Variants in TOX observed in about 807,000 individuals in gnomAD.
TOX encodes the protein thymocyte selection-associated high mobility group box protein TOX.
In TOX, 11 loss-of-function variants were observed where a neutral mutation model predicts 53.7. The observed-to-expected ratio is 0.20, with a 90% CI of 0.13 to 0.34. The LOEUF (loss-of-function observed/expected upper bound fraction) is 0.34, where lower values mean the gene tolerates loss of function less well. TOX is among the 10% of genes least tolerant of loss of function. The pLI, the probability that TOX is intolerant of heterozygous loss-of-function variation, is 1.00. For synonymous variants in TOX, 225 were observed against 245.3 expected, an observed-to-expected ratio of 0.92 and a Z score of 0.77; for missense variants, 570 against 664.6, an observed-to-expected ratio of 0.86 and a Z score of 1.56.
At chr8:59,059,863 G>A (rs1258878163) in intron 1 of TOX, among the ~76,000 whole-genome samples, 2 of 151,368 alleles carry the variant, frequency 1.3e-5, no homozygotes, top group Non-Finnish European at 2.9e-5. Context: ...CATTAGTGTT[G>A]GGAAGTGACC....
chr8:59,086,418 C>T (rs1003452151), intron 1 of TOX, among the ~76,000 whole-genome samples: 3 of 152,226 alleles, frequency 2.0e-5, no homozygotes, highest in African/African-American at 4.8e-5. Flanking sequence ...AGACAGAATC[C>T]GGCCTAATAA....
At chr8:58,861,511 C>T (rs1207970076) in intron 3 of TOX, among the ~76,000 whole-genome samples, 2 of 152,164 alleles carry the variant, frequency 1.3e-5, no homozygotes, top group African/African-American at 4.8e-5. Context: ...AAACATGCTA[C>T]TGTTTGCTCA....
At chr8:59,094,063 G>A (rs1371301863) in intron 1 of TOX, among the ~76,000 whole-genome samples, 1 of 151,838 alleles carries the variant, frequency 6.6e-6, no homozygotes, top group East Asian at 1.9e-4. Flanking sequence ...GAATATGACA[G>A]ACCATGATTC....
At chr8:58,951,561 G>GCATC (rs1187347310) in intron 2 of TOX, among the ~76,000 whole-genome samples, 1 of 152,104 alleles carries the variant, frequency 6.6e-6, no homozygotes, top group Non-Finnish European at 1.5e-5. Context: ...GTCTCACCTG[G>GCATC]CATCCCTATT....
intron 1 of TOX, among the ~76,000 whole-genome samples, chr8:58,972,202 G>A (rs1813014769): frequency 6.6e-6 from 1 of 152,080 alleles, no homozygotes; most frequent in South Asian, 2.1e-4. Context: ...TACTCTGTAT[G>A]TGCACAAAAT....
intron 7 of TOX, among the ~76,000 whole-genome samples, chr8:58,814,899 T>C (rs1271729495): frequency 1.1e-4 from 16 of 152,360 alleles, no homozygotes; most frequent in Non-Finnish European, 2.9e-5. Flanking sequence ...CAGCATTTAT[T>C]GGACTCAAGA....
In TOX at chr8:59,117,244, A is replaced by C. The variant is rs1477019003; in HGVS notation, c.102+1642T>G. Among the ~76,000 whole-genome samples, 4 of 152,256 alleles carry C rather than the reference A, an allele frequency of 2.6e-5. No homozygotes were observed. The highest frequency in any genetic ancestry group is 2.0e-4 in the Admixed American group (3 of 15,286). ...TGGTGTCATAAGCAAAATAAAACGT[A>C]ACACAATACTTGAGTGTACAGACAA... On this transcript the variant is annotated intron_variant, in intron 1 of 8. Coordinates refer to ENST00000361421, the MANE Select transcript of TOX (RefSeq NM_014729.3). The surrounding 1 kb of genome is among the most constrained non-coding windows in gnomAD (Gnocchi z 4.6).
At chr8:59,045,679 A>T (rs1803669212) in intron 1 of TOX, among the ~76,000 whole-genome samples, 1 of 152,162 alleles carries the variant, frequency 6.6e-6, no homozygotes, top group African/African-American at 2.4e-5. Context: ...AAACATCCAA[A>T]CCAGATAAGC....
chr8:58,935,193 G>T (rs192527388), intron 3 of TOX, among the ~76,000 whole-genome samples: 2 of 151,840 alleles, frequency 1.3e-5, no homozygotes, highest in African/African-American at 4.8e-5. Context: ...TGATATATAA[G>T]TAACACATCT....
chr8:59,008,578 C>T (rs1813835864), intron 1 of TOX, among the ~76,000 whole-genome samples: 1 of 68 alleles, frequency 0.015, no homozygotes, highest in African/African-American at 0.05. Context: ...CGCACAGAAG[C>T]TCACCTCCCC....
At chr8:58,893,070 A>G (rs1811584300) in intron 3 of TOX, among the ~76,000 whole-genome samples, 1 of 152,216 alleles carries the variant, frequency 6.6e-6, no homozygotes, top group African/African-American at 2.4e-5. Context: ...TTACTCTACT[A>G]TATTGGTTTA....
chr8:58,940,524 G>A (rs1317407227), intron 2 of TOX, among the ~76,000 whole-genome samples: 6 of 152,118 alleles, frequency 3.9e-5, no homozygotes, highest in African/African-American at 1.4e-4. Context: ...GTGATATATA[G>A]CAGTCCTTCA....
chr8:58,856,871 G>A (rs1810926585), intron 3 of TOX, among the ~76,000 whole-genome samples: 1 of 152,040 alleles, frequency 6.6e-6, no homozygotes, highest in Non-Finnish European at 1.5e-5. Context: ...GGAGGCTGAG[G>A]GTGTGATTAT....
intron 3 of TOX, among the ~76,000 whole-genome samples, chr8:58,899,373 T>G (rs902292549): frequency 6.6e-6 from 1 of 152,214 alleles, no homozygotes; most frequent in African/African-American, 2.4e-5. Context: ...GACACCAGTC[T>G]TTTTAAAAGA....
chr8:58,877,956 C>T (rs1811314207), intron 3 of TOX, among the ~76,000 whole-genome samples: 1 of 151,946 alleles, frequency 6.6e-6, no homozygotes, highest in African/African-American at 2.4e-5. Context: ...ACAGAGGTTG[C>T]TCTAGGTTAC....
At chr8:58,845,557 C>A (rs188658387) in intron 4 of TOX, among the ~76,000 whole-genome samples, 1 of 152,184 alleles carries the variant, frequency 6.6e-6, no homozygotes, top group African/African-American at 2.4e-5. Context: ...TTATTATTAT[C>A]TTTAATAACG....
intron 1 of TOX, among the ~76,000 whole-genome samples, chr8:59,017,263 T>C (rs1814032101): frequency 6.6e-6 from 1 of 152,246 alleles, no homozygotes; most frequent in South Asian, 2.1e-4. Context: ...TTAAACATTC[T>C]ATATGTAAAT....
intron 3 of TOX, among the ~76,000 whole-genome samples, chr8:58,871,282 AG>A (rs1811192637): frequency 6.6e-6 from 1 of 152,056 alleles, no homozygotes; most frequent in South Asian, 2.1e-4. Flanking sequence ...TAGAAAGCAA[AG>A]GGGGCTTTTT....
At chr8:58,935,518 A>G (rs1445248315) in intron 3 of TOX, among the ~76,000 whole-genome samples, 2 of 152,204 alleles carry the variant, frequency 1.3e-5, no homozygotes, top group Non-Finnish European at 2.9e-5. Context: ...ATCAATATTT[A>G]GAATCTACAA....
Sources: gnomAD v4.1 joint callset for allele counts (sites outside exome capture counted in the v4.1 genomes callset) on GRCh38, gnomAD v4.1.1 for gene constraint, Gnocchi (gnomAD v3.1) non-coding constraint, MANE v1.5 for transcripts, NCBI Gene and HGNC (gene_info 2026-07-23, HGNC 2026-07-21) for gene names.